CD8A: variants seen among roughly 807,000 people sequenced by gnomAD.
CD8A encodes T-cell surface glycoprotein CD8 alpha chain.
CD8A carries 25 observed loss-of-function variants against 24.2 expected under a neutral mutation model. The ratio of observed to expected loss-of-function variants is 1.03; its 90% CI spans 0.75 to 1.44. The LOEUF (loss-of-function observed/expected upper bound fraction) is 1.44. CD8A is among the 40% of genes most tolerant of loss of function. The pLI, the probability that CD8A is intolerant of heterozygous loss-of-function variation, is 0.00. For missense variants in CD8A, 360 were observed against 319.7 expected, an observed-to-expected ratio of 1.13 and a Z score of -0.96; for synonymous variants, 165 against 149.9, an observed-to-expected ratio of 1.10 and a Z score of -0.74.
rs2104433678 is a variant in CD8A, at chr2:86,788,512, A to AGG, written c.656+17_656+18insCC. The AGG allele has an allele frequency of 6.2e-7, 1 of 1,609,126 alleles. No individual in the cohort carries two copies. Among genetic ancestry groups the AGG allele is most frequent in the Non-Finnish European group, 8.5e-7 (1 of 1,176,822 alleles). On this transcript the variant is annotated intron_variant, in intron 5 of 5. Transcript: ENST00000283635. ...AGGGCTGGCCAAGGTGAGCAGGCTG[A>AGG]GTTCAAAAGAGACTCACCGGGGACA...
chr2:86,791,844 G>C (rs1039522367), upstream of CD8A: 1 of 360,544 alleles, frequency 2.8e-6, no homozygotes, highest in Non-Finnish European at 5.5e-6. Flanking sequence ...GCGGTCCCTC[G>C]GCCTGGAATG....
intron 5 of CD8A, among the ~76,000 whole-genome samples, chr2:86,786,557 T>C (rs1028529261): frequency 3.3e-5 from 5 of 152,248 alleles, no homozygotes; most frequent in African/African-American, 1.2e-4. Flanking sequence ...TCACTGAGTA[T>C]ATTAACTCGG....
chr2:86,787,898 A>AGAGAGAGTGTGTGTGTGTGTGTGTGTGT (rs369993109), intron 5 of CD8A, among the ~76,000 whole-genome samples: 1 of 144,490 alleles, frequency 6.9e-6, no homozygotes, highest in Non-Finnish European at 1.5e-5. Flanking sequence ...AGAGAGAGAG[A>AGAGAGAGTGTGTGTGTGTGTGTGTGTGT]GTGTGTGTGT....
At chr2:86,805,875 A>G (rs1032157209) in intron 2 of CD8A, among the ~76,000 whole-genome samples, 4 of 152,076 alleles carry the variant, frequency 2.6e-5, no homozygotes, top group African/African-American at 9.7e-5. Flanking sequence ...TAAATAAGTA[A>G]ATAAAGGGGA....
At chr2:86,790,712 G>T in intron 1 of CD8A, 31 bp from the exon 2 acceptor site, 4 of 1,553,910 alleles carry the variant, frequency 2.6e-6, no homozygotes, top group Non-Finnish European at 3.5e-6. Context: ...GGCTGAGCCC[G>T]CAGTCCCGCG....
At position 86,799,797 on chromosome 2, in the gene CD8A, G is replaced by C. The variant is rs532981478; in HGVS notation, c.-271+1714C>G. Among the ~76,000 whole-genome samples, 4 of 152,178 alleles carry C rather than the reference G, an allele frequency of 2.6e-5. No homozygotes were observed. In the East Asian group the frequency reaches 7.7e-4, roughly 29 times the overall value. ...AAAGAGTCATCTGGGAGGGATGCAGGAGGCAGAGTGCCTCACAGCAGGCTT... is the reference window on the plus strand; with the variant it reads ...AAAGAGTCATCTGGGAGGGATGCAGCAGGCAGAGTGCCTCACAGCAGGCTT... On this transcript the variant is annotated intron_variant, in intron 3 of 8. Coordinates refer to the CD8A transcript ENST00000409511.
rs140862431 is a variant in CD8A, at chr2:86,799,853, T to C, written c.-271+1658A>G. ...CCTCATCCCTCTACTCAGCTCTCTATCATCGAGCTAGAATTCAGAGGTGAG... is the reference window on the plus strand; with the variant it reads ...CCTCATCCCTCTACTCAGCTCTCTACCATCGAGCTAGAATTCAGAGGTGAG... On this transcript the variant is annotated intron_variant, in intron 3 of 8. Coordinates refer to the CD8A transcript ENST00000409511. Among the ~76,000 whole-genome samples the C allele has an allele frequency of 3.4e-3, 518 of 152,158 alleles. 1 individual carries two copies. The highest frequency in any genetic ancestry group is 0.012 in the African/African-American group (489 of 41,512).
chr2:86,807,221 C>G (rs1224997982), intron 2 of CD8A, among the ~76,000 whole-genome samples: 1 of 152,064 alleles, frequency 6.6e-6, no homozygotes, highest in East Asian at 1.9e-4. Context: ...ACTTGGGAGG[C>G]TGAGGTGGGG....
chr2:86,788,272 C>A (rs1673106922), intron 5 of CD8A, among the ~76,000 whole-genome samples: 1 of 135,680 alleles, frequency 7.4e-6, no homozygotes, highest in Admixed American at 7.6e-5. Flanking sequence ...TTGGAAGTGC[C>A]AGGTCAAATA....
At chr2:86,801,281 G>T (rs889172682) in intron 3 of CD8A, among the ~76,000 whole-genome samples, 2 of 150,754 alleles carry the variant, frequency 1.3e-5, no homozygotes, top group African/African-American at 4.9e-5. Flanking sequence ...CTCCCTCCCT[G>T]CCTCCCTCCC....
At chr2:86,799,870 A>G (rs1385291462) in intron 3 of CD8A, among the ~76,000 whole-genome samples, 3 of 152,116 alleles carry the variant, frequency 2.0e-5, no homozygotes, top group Non-Finnish European at 4.4e-5. Flanking sequence ...GCTAGAATTC[A>G]GAGGTGAGAC....
intron 2 of CD8A, among the ~76,000 whole-genome samples, chr2:86,806,003 GT>G (rs1343023380): frequency 1.3e-5 from 2 of 151,460 alleles, no homozygotes; most frequent in African/African-American, 4.9e-5. Context: ...GTGACAATTT[GT>G]TATCTTAAAA....
At chr2:86,804,964 G>A (rs1466575223) in intron 2 of CD8A, among the ~76,000 whole-genome samples, 1 of 151,874 alleles carries the variant, frequency 6.6e-6, no homozygotes, top group African/African-American at 2.4e-5. Flanking sequence ...CACCATGCCT[G>A]GCTAATTTTT....
At position 86,790,655 on chromosome 2, in the gene CD8A, C is replaced by G. The variant is rs771549955; in HGVS notation, c.76G>C (p.Val26Leu). 1.2e-5 allele frequency: 19 copies of G among 1,600,880 alleles called. No homozygotes were observed. The highest frequency in any genetic ancestry group is 1.5e-5 in the Non-Finnish European group (18 of 1,178,950). ...TTCCAGGTCCGATCCAGCGGCGACA[C>G]CCGGAACTGGCTCGGCCTGGCGGCG... Reference protein sequence around the residue: ...LHAARPSQFRVSPLDRTWNLG... With the variant: ...LHAARPSQFRLSPLDRTWNLG... The change falls in exon 2 of 6, where the codon GTG (valine) becomes CTG (leucine). Residue 26 changes from valine to leucine, a missense_variant. Coordinates refer to ENST00000283635, the MANE Select transcript of CD8A (RefSeq NM_001768.7).
At chr2:86,799,678 C>T (rs1296205977) in intron 3 of CD8A, among the ~76,000 whole-genome samples, 7 of 152,110 alleles carry the variant, frequency 4.6e-5, no homozygotes, top group African/African-American at 1.7e-4. Context: ...ATGGCTTGAA[C>T]CCGGGAAGTG....
At chr2:86,786,107 G>T in intron 5 of CD8A, 136 bp from the exon 6 acceptor site, 1 of 776,996 alleles carries the variant, frequency 1.3e-6, no homozygotes, top group South Asian at 1.4e-5. Context: ...GCATGGGACT[G>T]GGTGAATGAC....
upstream of CD8A, among the ~76,000 whole-genome samples, chr2:86,792,358 G>A (rs540591376): frequency 9.8e-5 from 15 of 152,304 alleles, no homozygotes; most frequent in Admixed American, 5.9e-4. Flanking sequence ...TCTGCTGGGC[G>A]AGGACCATGC....
rs530040735 is a variant in CD8A at position 86,788,144 on chromosome 2, A to T, written c.656+386T>A. On this transcript the variant is annotated intron_variant, in intron 5 of 5. Coordinates refer to ENST00000283635, the MANE Select transcript of CD8A (RefSeq NM_001768.7). Reference sequence around the variant, plus strand: ...CTAGACCAGCCAAGTAGGAAAAAAAATTGTTTTCTTAAGAAAACAACAAAA... The same window carrying T: ...CTAGACCAGCCAAGTAGGAAAAAAATTTGTTTTCTTAAGAAAACAACAAAA... Among the ~76,000 whole-genome samples, 10 of 152,088 alleles carry T rather than the reference A, an allele frequency of 6.6e-5. No individual in the cohort carries two copies. In the South Asian group the frequency reaches 1.9e-3, roughly 28 times the overall value.
chr2:86,803,491 A>G (rs956302187), intron 2 of CD8A, among the ~76,000 whole-genome samples: 8 of 152,214 alleles, frequency 5.3e-5, no homozygotes, highest in Admixed American at 2.6e-4. Context: ...ACATTATGCT[A>G]AATGAAAGAA....
Sources: allele counts gnomAD v4.1 joint callset (sites outside exome capture counted in the v4.1 genomes callset), GRCh38; gene constraint gnomAD v4.1.1; transcripts MANE v1.5; gene names NCBI Gene and HGNC (gene_info 2026-07-23, HGNC 2026-07-21).